Variants in SNTG1 observed in about 807,000 individuals in gnomAD.
SNTG1 encodes the protein syntrophin gamma 1, also known as gamma-1-syntrophin.
Under a neutral mutation model 74.7 loss-of-function variants are expected in SNTG1, and 39 were observed. That is an observed-to-expected ratio of 0.52 (90% CI 0.40 to 0.68). The LOEUF is 0.68. Among genes scored for constraint, SNTG1 ranks in the 30% least tolerant of loss-of-function variants. SNTG1 has a pLI of 0.00. For missense variants in SNTG1, 685 were observed against 609.5 expected, an observed-to-expected ratio of 1.12 and a Z score of -1.30; for synonymous variants, 254 against 217.1, an observed-to-expected ratio of 1.17 and a Z score of -1.49.
chr8:50,331,058 T>C (rs1278226676), intron 2 of SNTG1, among the ~76,000 whole-genome samples: 1 of 152,226 alleles, frequency 6.6e-6, no homozygotes, highest in East Asian at 1.9e-4. Flanking sequence ...AAAATGTGTT[T>C]CTATATTTTT....
intron 1 of SNTG1, among the ~76,000 whole-genome samples, chr8:50,139,668 A>G (rs1462425031): frequency 2.0e-5 from 3 of 152,216 alleles, no homozygotes; most frequent in Non-Finnish European, 4.4e-5. Context: ...TGAGCAAGGA[A>G]AAGAAGAAAG....
At chr8:49,941,671 G>T (rs1808705511) in intron 1 of SNTG1, among the ~76,000 whole-genome samples, 1 of 152,056 alleles carries the variant, frequency 6.6e-6, no homozygotes, top group Non-Finnish European at 1.5e-5. Context: ...CTGCCTTGAA[G>T]TCTGGCTGAT....
At chr8:50,239,960 C>G (rs143034041) in intron 2 of SNTG1, among the ~76,000 whole-genome samples, 1 of 152,112 alleles carries the variant, frequency 6.6e-6, no homozygotes, top group Non-Finnish European at 1.5e-5. Context: ...TAAGAACAAC[C>G]TTTGACTTCC....
chr8:50,743,295 T>C (rs1330827767), intron 17 of SNTG1, among the ~76,000 whole-genome samples: 2 of 151,838 alleles, frequency 1.3e-5, no homozygotes, highest in East Asian at 3.9e-4. Context: ...ATTAAAAGGA[T>C]TATACACCAT....
At chr8:49,970,299 C>A (rs1811543903) in intron 1 of SNTG1, among the ~76,000 whole-genome samples, 1 of 152,210 alleles carries the variant, frequency 6.6e-6, no homozygotes, top group South Asian at 2.1e-4. Context: ...GGTAGTGCTG[C>A]AAACAGACAC....
At chr8:50,760,021 G>C (rs188078650) in intron 18 of SNTG1, among the ~76,000 whole-genome samples, 3 of 151,922 alleles carry the variant, frequency 2.0e-5, no homozygotes, top group Non-Finnish European at 2.9e-5. Flanking sequence ...TTATTCCCTC[G>C]AGCAGTGGTT....
chr8:50,762,560 T>C (rs2095601995), intron 18 of SNTG1: 1 of 374,572 alleles, frequency 2.7e-6, no homozygotes, highest in Non-Finnish European at 5.3e-6. Flanking sequence ...AAAGATCATT[T>C]TTGTTCCAAG....
chr8:50,276,408 T>TATAA (rs1554626128), intron 2 of SNTG1, among the ~76,000 whole-genome samples: 2 of 133,042 alleles, frequency 1.5e-5, no homozygotes, highest in Admixed American at 7.8e-5. Context: ...TATATATATA[T>TATAA]AAATCATATA....
chr8:50,495,212 G>T (rs191777466), intron 8 of SNTG1, among the ~76,000 whole-genome samples: 2 of 152,104 alleles, frequency 1.3e-5, no homozygotes, highest in Admixed American at 1.3e-4. Context: ...CCTATTGAAA[G>T]ATTCCTATGT....
At chr8:50,405,588 AATTGTGG>A (rs562630499) in intron 4 of SNTG1, among the ~76,000 whole-genome samples, 136 of 152,110 alleles carry the variant, frequency 8.9e-4, no homozygotes, top group African/African-American at 3.2e-3. Flanking sequence ...TTTTCTCCCA[AATTGTGG>A]ATTGCCTTTT....
intron 1 of SNTG1, among the ~76,000 whole-genome samples, chr8:50,036,908 T>C (rs918084328): frequency 4.6e-5 from 7 of 152,256 alleles, no homozygotes; most frequent in Non-Finnish European, 7.3e-5. Flanking sequence ...TTAAGAAATA[T>C]ACAAGACCTT....
At chr8:50,028,211 A>G (rs886370610) in intron 1 of SNTG1, among the ~76,000 whole-genome samples, 3 of 152,202 alleles carry the variant, frequency 2.0e-5, no homozygotes, top group African/African-American at 7.2e-5. Context: ...GGAATCATAC[A>G]GAATGTGACT....
intron 2 of SNTG1, among the ~76,000 whole-genome samples, chr8:50,233,518 T>C (rs914437496): frequency 1.4e-4 from 21 of 151,742 alleles, no homozygotes; most frequent in African/African-American, 4.8e-4. Context: ...TGGTTAAGAC[T>C]TCTTAGACAT....
chr8:50,499,698 AG>A (rs1396983713), intron 8 of SNTG1, among the ~76,000 whole-genome samples: 4 of 151,570 alleles, frequency 2.6e-5, no homozygotes, highest in Non-Finnish European at 4.4e-5. Context: ...TGCCAGTTTG[AG>A]GAAGTTCCGT....
intron 2 of SNTG1, among the ~76,000 whole-genome samples, chr8:50,380,730 T>A (rs912104311): frequency 6.6e-6 from 1 of 152,192 alleles, no homozygotes; most frequent in Non-Finnish European, 1.5e-5. Context: ...TTTGGCTGTG[T>A]TTGTCTCATT....
At chr8:50,495,496 G>A (rs547340195) in intron 8 of SNTG1, among the ~76,000 whole-genome samples, 219 of 144,694 alleles carry the variant, frequency 1.5e-3, no homozygotes, top group African/African-American at 5.5e-3. Context: ...TTTCCTCCAC[G>A]TTCCCAATTA....
At chr8:50,780,530 C>A (rs2095655911) in intron 18 of SNTG1, among the ~76,000 whole-genome samples, 1 of 152,170 alleles carries the variant, frequency 6.6e-6, no homozygotes, top group African/African-American at 2.4e-5. Flanking sequence ...GTTTGTATTT[C>A]TGTGGGATTG....
intron 8 of SNTG1, among the ~76,000 whole-genome samples, chr8:50,488,122 G>A (rs973277009): frequency 6.6e-6 from 1 of 152,108 alleles, no homozygotes; most frequent in East Asian, 1.9e-4. Flanking sequence ...CAGAACTAGG[G>A]CTGCGAAGTG....
At chr8:50,080,327 T>C (rs1240839309) in intron 1 of SNTG1, among the ~76,000 whole-genome samples, 1 of 152,188 alleles carries the variant, frequency 6.6e-6, no homozygotes, top group Non-Finnish European at 1.5e-5. Flanking sequence ...ATGCTATCCT[T>C]TTAATTTCAA....
Sources: allele counts gnomAD v4.1 joint callset (sites outside exome capture counted in the v4.1 genomes callset), GRCh38; gene constraint gnomAD v4.1.1; transcripts MANE v1.5; gene names NCBI Gene and HGNC (gene_info 2026-07-23, HGNC 2026-07-21).